The following SLC24A2 variants were observed in gnomAD, a reference collection of about 807,000 sequenced individuals.
SLC24A2 encodes solute carrier family 24 member 2.
A neutral mutation model predicts 62.0 loss-of-function variants in SLC24A2; 36 were observed. The ratio of observed to expected loss-of-function variants is 0.58; its 90% CI spans 0.44 to 0.77. The LOEUF (loss-of-function observed/expected upper bound fraction) is 0.77, where lower values mean the gene tolerates loss of function less well. SLC24A2 is among the 30% of genes least tolerant of loss of function. SLC24A2 has a pLI of 0.00. For missense variants in SLC24A2, 846 were observed against 817.9 expected, an observed-to-expected ratio of 1.03 and a Z score of -0.42; for synonymous variants, 358 against 294.0, an observed-to-expected ratio of 1.22 and a Z score of -2.23.
chr9:19,631,940 T>A (rs1818190769), intron 2 of SLC24A2, among the ~76,000 whole-genome samples: 1 of 152,114 alleles, frequency 6.6e-6, no homozygotes, highest in Non-Finnish European at 1.5e-5. Context: ...GTCCTCTGTT[T>A]TGGCTGGTGA....
At chr9:19,602,193 C>A (rs1482204167) in intron 4 of SLC24A2, among the ~76,000 whole-genome samples, 6 of 152,146 alleles carry the variant, frequency 3.9e-5, no homozygotes, top group Non-Finnish European at 5.9e-5. Flanking sequence ...TAAAATGGGG[C>A]TCATTCTAGT....
At chr9:19,661,802 A>G (rs1819109837) in intron 2 of SLC24A2, among the ~76,000 whole-genome samples, 1 of 152,250 alleles carries the variant, frequency 6.6e-6, no homozygotes, top group African/African-American at 2.4e-5. Flanking sequence ...GTTGCTGCCA[A>G]TAATGGGCAA....
chr9:20,227,074 G>A, the SLC24A2 span, among the ~76,000 whole-genome samples: 66 of 152,156 alleles, frequency 4.3e-4, no homozygotes, highest in Middle Eastern at 3.4e-3. Flanking sequence ...TTATCTCAGC[G>A]TTAGTAACAA....
the SLC24A2 span, among the ~76,000 whole-genome samples, chr9:20,104,774 G>C: frequency 2.4e-4 from 36 of 152,160 alleles, no homozygotes; most frequent in African/African-American, 7.7e-4. Context: ...ATCAAGGCTA[G>C]GAAGAAACTG....
the SLC24A2 span, among the ~76,000 whole-genome samples, chr9:19,847,747 C>T: frequency 6.6e-6 from 1 of 152,112 alleles, no homozygotes; most frequent in Non-Finnish European, 1.5e-5. Flanking sequence ...TTTCTTCAGA[C>T]CAGTAAACAT....
the SLC24A2 span, among the ~76,000 whole-genome samples, chr9:20,099,358 A>G: frequency 2.0e-5 from 3 of 152,180 alleles, no homozygotes; most frequent in East Asian, 5.8e-4. Context: ...ACTTACCTTT[A>G]TTTCCTTCTT....
At position 19,561,872 on chromosome 9, in the gene SLC24A2, A is replaced by G. The variant is rs556944312; in HGVS notation, c.1347+11479T>C. On this transcript the variant is annotated intron_variant, in intron 7 of 10. Coordinates refer to ENST00000341998, the MANE Select transcript of SLC24A2 (RefSeq NM_020344.4). ...TTTGGCACCCTAAACACAACATGAG[A>G]AGGTTTCACTCAGTAATGGCCTCCT... 3.4e-4 allele frequency among the ~76,000 whole-genome samples: 52 copies of G among 152,328 alleles called. No individual in the cohort carries two copies. The South Asian group carries it at 8.9e-3, about 26-fold the overall frequency.
intron 10 of SLC24A2, among the ~76,000 whole-genome samples, chr9:19,519,308 G>A (rs7044954): frequency 0.017 from 2,540 of 146,790 alleles, 74 homozygotes; most frequent in African/African-American, 0.062. Context: ...TGTTGTTTCC[G>A]AGTAATAGGA....
At chr9:20,126,638 T>C in the SLC24A2 span, among the ~76,000 whole-genome samples, 1 of 152,124 alleles carries the variant, frequency 6.6e-6, no homozygotes, top group Non-Finnish European at 1.5e-5. Flanking sequence ...TGAGTGAGGC[T>C]TTAAGGATCA....
intron 2 of SLC24A2, among the ~76,000 whole-genome samples, chr9:19,756,497 G>T (rs953890315): frequency 2.6e-5 from 4 of 152,124 alleles, no homozygotes; most frequent in Non-Finnish European, 5.9e-5. Flanking sequence ...TTCTATTGCT[G>T]CTCTAACACA....
the SLC24A2 span, among the ~76,000 whole-genome samples, chr9:19,955,606 T>C: frequency 1.4e-4 from 21 of 152,232 alleles, no homozygotes; most frequent in East Asian, 1.5e-3. Flanking sequence ...TGAATACATA[T>C]GTAATATGTA....
At chr9:20,220,852 A>C in the SLC24A2 span, among the ~76,000 whole-genome samples, 433 of 152,288 alleles carry the variant, frequency 2.8e-3, 3 homozygotes, top group African/African-American at 0.01. Context: ...TAAACGAAAA[A>C]TATCAAGTCT....
the SLC24A2 span, among the ~76,000 whole-genome samples, chr9:20,202,336 C>G: frequency 6.6e-6 from 1 of 152,080 alleles, no homozygotes; most frequent in Non-Finnish European, 1.5e-5. Context: ...TGTTGTTAAC[C>G]GAAGTTGTGT....
chr9:20,265,502 C>T, the SLC24A2 span, among the ~76,000 whole-genome samples: 6 of 152,208 alleles, frequency 3.9e-5, no homozygotes, highest in Non-Finnish European at 7.3e-5. Context: ...ACACTTATCA[C>T]TTCCCCAATC....
At chr9:20,021,662 T>C in the SLC24A2 span, among the ~76,000 whole-genome samples, 2 of 152,126 alleles carry the variant, frequency 1.3e-5, no homozygotes, top group Non-Finnish European at 2.9e-5. Context: ...TCTGCCCATT[T>C]GCCTTGTGCT....
chr9:19,754,915 A>G (rs1398473127), intron 2 of SLC24A2, among the ~76,000 whole-genome samples: 2 of 152,116 alleles, frequency 1.3e-5, no homozygotes, highest in Non-Finnish European at 2.9e-5. Context: ...AGGCCTTTCA[A>G]TGATTTTATA....
At chr9:19,671,072 C>A (rs1819399818) in intron 2 of SLC24A2, among the ~76,000 whole-genome samples, 1 of 58,842 alleles carries the variant, frequency 1.7e-5, no homozygotes, top group Admixed American at 2.5e-4. Flanking sequence ...GAAAACCAAA[C>A]ATCACATGTG....
chr9:19,688,717 T>C (rs1819956940), intron 2 of SLC24A2, among the ~76,000 whole-genome samples: 1 of 152,102 alleles, frequency 6.6e-6, no homozygotes, highest in Non-Finnish European at 1.5e-5. Flanking sequence ...GCAGAAATTT[T>C]TGAATATTAT....
chr9:20,139,135 C>T, the SLC24A2 span, among the ~76,000 whole-genome samples: 1 of 152,164 alleles, frequency 6.6e-6, no homozygotes, highest in East Asian at 1.9e-4. Flanking sequence ...GGTTTTTTTG[C>T]CATTTTGAAA....
Sources: gnomAD v4.1 joint callset for allele counts (sites outside exome capture counted in the v4.1 genomes callset) on GRCh38, gnomAD v4.1.1 for gene constraint, MANE v1.5 for transcripts, NCBI Gene and HGNC (gene_info 2026-07-23, HGNC 2026-07-21) for gene names.